CTSK: variants seen among roughly 807,000 people sequenced by gnomAD.
CTSK encodes cathepsin K.
CTSK carries 26 observed loss-of-function variants against 40.5 expected under a neutral mutation model. That is an observed-to-expected ratio of 0.64 (90% CI 0.47 to 0.89). The LOEUF (loss-of-function observed/expected upper bound fraction) is 0.89. Ranked by LOEUF, CTSK falls within the 40% of genes least tolerant of loss-of-function variation. CTSK has a pLI of 0.00. For missense variants in CTSK, 292 were observed against 400.1 expected, an observed-to-expected ratio of 0.73 and a Z score of 2.30; for synonymous variants, 132 against 143.2, an observed-to-expected ratio of 0.92 and a Z score of 0.56.
At chr1:150,799,467 A>G (rs1025368646) in intron 6 of CTSK, 77 bp downstream of exon 6, 7 of 1,566,988 alleles carry the variant, frequency 4.5e-6, no homozygotes, top group Non-Finnish European at 6.2e-6. Flanking sequence ...AAGTACTGAA[A>G]ATACCCAAGG....
Position 150,804,074 on chromosome 1 carries a change from C to G in CTSK, c.565G>C (p.Val189Leu). 1.2e-6 allele frequency: 2 copies of G among 1,614,186 alleles called. No homozygotes were observed. Among genetic ancestry groups the G allele is most frequent in the Non-Finnish European group, 1.7e-6 (2 of 1,180,026 alleles). The change falls in exon 5 of 8, where the codon GTG becomes CTG. Residue 189 changes from valine to leucine, a missense_variant. Transcript: ENST00000271651. ...GGYMTNAFQY[V>L]QKNRGIDSED... ...GAGTCAATACCCCGGTTCTTCTGCA[C>G]ATATTGGAAGGCATTGGTCATGTAG...
At position 150,806,088 on chromosome 1, in the gene CTSK, G is replaced by A; in HGVS notation, c.243+14C>T. The A allele has an allele frequency of 2.5e-6, 4 of 1,614,216 alleles. No individual in the cohort carries two copies. Among genetic ancestry groups the A allele is most frequent in the Non-Finnish European group, 3.4e-6 (4 of 1,180,044 alleles). ...AAATGGTGCAGGTGGGACAGGAGCT[G>A]AAGCTATACTTGCCATGTCCCCCAG... is the stretch of plus-strand genomic sequence containing the variant. On this transcript the variant is annotated intron_variant, in intron 3 of 7. Transcript: ENST00000271651.
chr1:150,796,730 C>T lies in CTSK; in HGVS notation c.*69G>A. 9.1e-7 allele frequency: 1 copy of T among 1,095,508 alleles called. No homozygotes were observed. The highest frequency in any genetic ancestry group is 1.4e-6 in the Non-Finnish European group (1 of 706,350). 67.9% of individuals were successfully genotyped at this position (1,095,508 alleles called of 1,614,324 possible). The stretch of plus-strand genomic sequence containing the variant: ...CAAAAATAGCACACCAACTCCCTTC[C>T]AAAGTGCATCGTTACACTGCACCAT... On this transcript the variant is annotated 3_prime_UTR_variant, in exon 8 of 8. Transcript: ENST00000271651.
rs201051635 is a variant in CTSK at position 150,806,785 on chromosome 1, C to A, written c.21G>T (p.Leu7=). 3.9e-5 allele frequency: 63 copies of A among 1,613,884 alleles called. No individual in the cohort carries two copies. Among genetic ancestry groups the A allele is most frequent in the Non-Finnish European group, 4.4e-5 (52 of 1,180,054 alleles). The change falls in exon 2 of 8, where the codon CTG becomes CTT. Residue 7 remains leucine, a synonymous_variant. Coordinates refer to ENST00000271651, the MANE Select transcript of CTSK (RefSeq NM_000396.4). ...GAGCAAAGCTCACCACAGGTAGCAG[C>A]AGAACCTTGAGCCCCCACATCCTGC... MWGLKV[L]LLPVVSFALY...
chr1:150,799,484 G>A (rs587715608), intron 6 of CTSK, 60 bp downstream of exon 6: 43 of 1,598,728 alleles, frequency 2.7e-5, no homozygotes, highest in African/African-American at 1.9e-4. Flanking sequence ...AAGGTCCTTC[G>A]AGAAACCATC....
intron 7 of CTSK, 57 bp downstream of exon 7, chr1:150,799,111 G>T: frequency 9.0e-7 from 1 of 1,113,208 alleles, no homozygotes; most frequent in Non-Finnish European, 1.4e-6. Context: ...GAAGCTGGAG[G>T]TGAGGTTGAG....
rs1176948763 is a variant in CTSK at position 150,807,076 on chromosome 1, T to TCACACACACACACA, written c.-1-271_-1-270insTGTGTGTGTGTGTG. 3.0e-4 allele frequency among the ~76,000 whole-genome samples: 11 copies of TCACACACACACACA among 36,478 alleles called. No individual in the cohort carries two copies. In the East Asian group the frequency reaches 3.1e-3, roughly 10 times the overall value. The allele number at this position is 36,478 out of a possible 152,430, so 23.9% of individuals were successfully genotyped here. On this transcript the variant is annotated intron_variant, in intron 1 of 7. Coordinates refer to ENST00000271651, the MANE Select transcript of CTSK (RefSeq NM_000396.4). ...CTCTGTTTCTCTCTCTGTCTCTCTC[T>TCACACACACACACA]CTCTCACACACACACACACACACAC... is the stretch of plus-strand genomic sequence containing the variant.
intron 7 of CTSK, among the ~76,000 whole-genome samples, chr1:150,798,902 C>T (rs1047964621): frequency 1.3e-5 from 2 of 152,176 alleles, no homozygotes; most frequent in Non-Finnish European, 1.5e-5. Context: ...GATACTAGTG[C>T]CACGCTTTGT....
chr1:150,804,044 C>CT lies in CTSK; in HGVS notation c.594dup (p.Asp199ArgfsTer22). The stretch of plus-strand genomic sequence containing the variant: ...ACCTGTCCCACATATGGGTAGGCAT[C>CT]TTCAGAGTCAATACCCCGGTTCTTC... On this transcript the variant is annotated frameshift_variant, in exon 5 of 8. Coordinates refer to ENST00000271651, the MANE Select transcript of CTSK (RefSeq NM_000396.4). LOFTEE classifies it high-confidence loss of function. 1 of 1,614,216 alleles carries CT rather than the reference C, an allele frequency of 6.2e-7. No individual in the cohort carries two copies. Among genetic ancestry groups the CT allele is most frequent in the Non-Finnish European group, 8.5e-7 (1 of 1,180,032 alleles).
At chr1:150,800,325 C>T (rs1410855543) in intron 5 of CTSK, 2 of 156,838 alleles carry the variant, frequency 1.3e-5, no homozygotes, top group Non-Finnish European at 2.8e-5. Flanking sequence ...ATGTATTAGC[C>T]TCAGGGGGCA....
At position 150,806,207 on chromosome 1, in the gene CTSK, C is replaced by T. The variant is rs879232242; in HGVS notation, c.138G>A (p.Arg46=). 6.2e-7 allele frequency: 1 copy of T among 1,613,962 alleles called. No homozygotes were observed. The highest frequency in any genetic ancestry group is 8.5e-7 in the Non-Finnish European group (1 of 1,179,992). Residue 46 remains arginine, a synonymous_variant, in exon 3 of 8, where the codon CGG becomes CGA. Transcript: ENST00000271651. ...TCAGGTTTTTTTCCCAAATTAAACG[C>T]CGAGAGATTTCATCCACCTAAACAA... The part of the protein sequence containing the change: ...QYNNKVDEIS[R]RLIWEKNLKY...
At chr1:150,801,562 G>A (rs747767299) in intron 5 of CTSK, among the ~76,000 whole-genome samples, 6 of 142,424 alleles carry the variant, frequency 4.2e-5, no homozygotes, top group Non-Finnish European at 6.1e-5. Context: ...TTTTTGAAAC[G>A]CAGTCTTGCT....
rs587729887 is a variant in CTSK, at chr1:150,797,716, C to A, written c.891-818G>T. On this transcript the variant is annotated intron_variant, in intron 7 of 7. Transcript: ENST00000271651. ...TTTATTTAAAACCTGTACCCTCCCC[C>A]ACTCTCCCCTTCTCCAGGGGCCCCC... Among the ~76,000 whole-genome samples the A allele has an allele frequency of 1.1e-4, 17 of 152,306 alleles. No individual in the cohort carries two copies. In the South Asian group the frequency reaches 3.3e-3, roughly 30 times the overall value.
At chr1:150,799,505 C>G in intron 6 of CTSK, 39 bp downstream of exon 6, 1 of 1,611,714 alleles carries the variant, frequency 6.2e-7, no homozygotes, top group Non-Finnish European at 8.5e-7. Context: ...AAGTTTGTAT[C>G]ATAAAAGACA....
In CTSK at chr1:150,806,781, G is replaced by C. The variant is rs1395649142; in HGVS notation, c.25C>G (p.Leu9Val). MWGLKVLLLPVVSFALYPE... is the reference protein window; with the variant it reads MWGLKVLLVPVVSFALYPE... ...TACAGAGCAAAGCTCACCACAGGTAGCAGCAGAACCTTGAGCCCCCACATC... is the reference window on the plus strand; with the variant it reads ...TACAGAGCAAAGCTCACCACAGGTACCAGCAGAACCTTGAGCCCCCACATC... Residue 9 changes from leucine (L) to valine (V), a missense_variant, in exon 2 of 8, where the codon CTA becomes GTA. By Grantham distance (32) the Leu-to-Val change is conservative (BLOSUM62 1). Transcript: ENST00000271651. 2 of 1,613,940 alleles carry C rather than the reference G, an allele frequency of 1.2e-6. No individual in the cohort carries two copies. Among genetic ancestry groups the C allele is most frequent in the Non-Finnish European group, 1.7e-6 (2 of 1,180,016 alleles).
chr1:150,804,553 C>CA (rs1654051093), intron 4 of CTSK, among the ~76,000 whole-genome samples: 1 of 152,164 alleles, frequency 6.6e-6, no homozygotes, highest in Admixed American at 6.6e-5. Context: ...GCCTGTGTCT[C>CA]AGTTTCTCTA....
At chr1:150,804,680 G>A (rs1423327674) in intron 4 of CTSK, among the ~76,000 whole-genome samples, 1 of 152,178 alleles carries the variant, frequency 6.6e-6, no homozygotes, top group Non-Finnish European at 1.5e-5. Flanking sequence ...CAGCTAGATT[G>A]TAGATTTTTC....
chr1:150,796,991 C>T (rs1186106635), intron 7 of CTSK, 93 bp from the exon 8 acceptor site: 9 of 894,968 alleles, frequency 1.0e-5, no homozygotes, highest in East Asian at 7.5e-5. Flanking sequence ...TGATGGTACA[C>T]AAAAATGAAT....
intron 5 of CTSK, among the ~76,000 whole-genome samples, chr1:150,801,954 G>T (rs1382705661): frequency 6.6e-6 from 1 of 151,944 alleles, no homozygotes; most frequent in Non-Finnish European, 1.5e-5. Context: ...TTTAAGAATC[G>T]CTAAGAAAGA....
Sources: allele counts gnomAD v4.1 joint callset (sites outside exome capture counted in the v4.1 genomes callset), GRCh38; gene constraint gnomAD v4.1.1; transcripts MANE v1.5; gene names NCBI Gene and HGNC (gene_info 2026-07-23, HGNC 2026-07-21).